TAFA1: variants seen among roughly 807,000 people sequenced by gnomAD.
The protein encoded by TAFA1 is chemokine-like protein TAFA-1.
TAFA1 carries 4 observed loss-of-function variants against 18.5 expected under a neutral mutation model. That is an observed-to-expected ratio of 0.22 (90% CI 0.11 to 0.49). The LOEUF (loss-of-function observed/expected upper bound fraction) is 0.49. TAFA1 is among the 20% of genes least tolerant of loss of function. The pLI, the probability that TAFA1 is intolerant of heterozygous loss-of-function variation, is 0.98. For missense variants in TAFA1, 147 were observed against 169.0 expected (o/e 0.87, Z 0.72); for synonymous variants, 56 against 55.2 (o/e 1.01, Z -0.06).
chr3:68,384,921 C>G (rs547307575), intron 2 of TAFA1, among the ~76,000 whole-genome samples: 22 of 152,126 alleles, frequency 1.4e-4, no homozygotes, highest in Middle Eastern at 6.8e-3. Flanking sequence ...ATGTAATGCC[C>G]TTCTTTGTCT....
chr3:68,285,821 A>AC (rs1265665720), intron 2 of TAFA1, among the ~76,000 whole-genome samples: 1 of 152,228 alleles, frequency 6.6e-6, no homozygotes, highest in Non-Finnish European at 1.5e-5. Flanking sequence ...AAATATTTCA[A>AC]CCAACAACGT....
At chr3:68,354,127 C>A (rs1434779250) in intron 2 of TAFA1, among the ~76,000 whole-genome samples, 1 of 149,572 alleles carries the variant, frequency 6.7e-6, no homozygotes, top group Non-Finnish European at 1.5e-5. Flanking sequence ...CTAGACTCTA[C>A]ATTTTATTTG....
At chr3:68,536,435 T>C (rs529082160) in intron 3 of TAFA1, among the ~76,000 whole-genome samples, 1 of 152,314 alleles carries the variant, frequency 6.6e-6, no homozygotes, top group African/African-American at 2.4e-5. Context: ...AGAGCATCTT[T>C]GGAACATGGG....
At chr3:68,103,514 G>T (rs1193880474) in intron 2 of TAFA1, among the ~76,000 whole-genome samples, 1 of 152,084 alleles carries the variant, frequency 6.6e-6, no homozygotes. Flanking sequence ...TAACATATTT[G>T]CATGCATTTG....
rs116207240 is a variant in TAFA1, at chr3:68,148,025, T to C, written c.118+141281T>C. ...AGAAATTTGAGAAAAAGCAGGACTC[T>C]GCTTCTGCCAATGTTCTTGTCTTTG... On this transcript the variant is annotated intron_variant, in intron 2 of 4. Coordinates refer to ENST00000478136, the MANE Select transcript of TAFA1 (RefSeq NM_213609.4). Among the ~76,000 whole-genome samples, 1,365 of 152,372 alleles carry C rather than the reference T, an allele frequency of 9.0e-3. 24 individuals are homozygous for C. The highest frequency in any genetic ancestry group is 0.031 in the African/African-American group (1,287 of 41,592).
the TAFA1 span, among the ~76,000 whole-genome samples, chr3:67,996,327 C>T: frequency 6.6e-6 from 1 of 152,044 alleles, no homozygotes; most frequent in Non-Finnish European, 1.5e-5. Context: ...TTTAAAAAAT[C>T]AGACATTATA....
At chr3:68,188,024 TA>T (rs928801736) in intron 2 of TAFA1, among the ~76,000 whole-genome samples, 3 of 152,058 alleles carry the variant, frequency 2.0e-5, no homozygotes, top group African/African-American at 7.2e-5. Flanking sequence ...CTTTGTCTTA[TA>T]GATTTGTAGA....
At chr3:68,332,296 T>C (rs1204636588) in intron 2 of TAFA1, among the ~76,000 whole-genome samples, 2 of 152,004 alleles carry the variant, frequency 1.3e-5, no homozygotes, top group African/African-American at 2.4e-5. Flanking sequence ...ATGTAACATC[T>C]GAAACCATAA....
At chr3:68,351,129 C>CTAGA (rs2069257350) in intron 2 of TAFA1, among the ~76,000 whole-genome samples, 1 of 152,090 alleles carries the variant, frequency 6.6e-6, no homozygotes, top group African/African-American at 2.4e-5. Context: ...ATTTCTGGTG[C>CTAGA]TAGAACCCAG....
At chr3:68,245,341 G>A (rs1467246058) in intron 2 of TAFA1, among the ~76,000 whole-genome samples, 1 of 152,200 alleles carries the variant, frequency 6.6e-6, no homozygotes, top group East Asian at 1.9e-4. Flanking sequence ...CAGAGGCCAT[G>A]TAGCTAAGGA....
In TAFA1 at chr3:68,370,492, A is replaced by ACG. The variant is rs1263741484; in HGVS notation, c.119-46788_119-46787insCG. ...TGTGTGTATATATATATATATATAT[A>ACG]TATATATATATATATATATATATAC... On this transcript the variant is annotated intron_variant, in intron 2 of 4. Coordinates refer to ENST00000478136, the MANE Select transcript of TAFA1 (RefSeq NM_213609.4). Among the ~76,000 whole-genome samples the ACG allele has an allele frequency of 1.1e-3, 95 of 85,260 alleles. 1 individual carries two copies. The highest frequency in any genetic ancestry group is 3.1e-3 in the South Asian group (8 of 2,590). The allele number at this position is 85,260 out of a possible 152,430, so 55.9% of individuals were successfully genotyped here.
At chr3:68,415,071 G>A (rs987018789) in intron 2 of TAFA1, among the ~76,000 whole-genome samples, 6 of 152,158 alleles carry the variant, frequency 3.9e-5, no homozygotes, top group Admixed American at 1.3e-4. Context: ...CCATTAACTT[G>A]AATCCCAGTG....
At position 68,154,111 on chromosome 3, in the gene TAFA1, A is replaced by G. The variant is rs536401240; in HGVS notation, c.118+147367A>G. Among the ~76,000 whole-genome samples the G allele has an allele frequency of 1.8e-4, 28 of 152,210 alleles. 1 individual carries two copies. The South Asian group carries it at 4.8e-3, about 26-fold the overall frequency. ...TGTCTGATTGCTTATTTGGCAGGTG[A>G]CTTTTCATTTGGTGTTCAGGGATCC... On this transcript the variant is annotated intron_variant, in intron 2 of 4. Coordinates refer to ENST00000478136, the MANE Select transcript of TAFA1 (RefSeq NM_213609.4).
intron 2 of TAFA1, among the ~76,000 whole-genome samples, chr3:68,172,890 A>G (rs1464610323): frequency 6.6e-6 from 1 of 152,164 alleles, no homozygotes; most frequent in Non-Finnish European, 1.5e-5. Flanking sequence ...AGTGACTGCT[A>G]TGCAAATTGA....
chr3:68,358,934 A>T (rs1458548388), intron 2 of TAFA1, among the ~76,000 whole-genome samples: 1 of 151,954 alleles, frequency 6.6e-6, no homozygotes. Context: ...TAATCATCCA[A>T]CTTGATTTAG....
At chr3:68,286,282 C>A (rs558561978) in intron 2 of TAFA1, among the ~76,000 whole-genome samples, 1 of 151,174 alleles carries the variant, frequency 6.6e-6, no homozygotes, top group East Asian at 1.9e-4. Flanking sequence ...AAAAATAGAC[C>A]AGTATTAGGT....
At chr3:68,022,245 G>T (rs1704705913) in intron 2 of TAFA1, among the ~76,000 whole-genome samples, 2 of 152,068 alleles carry the variant, frequency 1.3e-5, no homozygotes, top group Non-Finnish European at 1.5e-5. Context: ...CTTTCTACAG[G>T]ATACGGTATT....
intron 2 of TAFA1, among the ~76,000 whole-genome samples, chr3:68,364,747 A>C (rs1273631803): frequency 6.6e-6 from 1 of 152,216 alleles, no homozygotes; most frequent in Non-Finnish European, 1.5e-5. Context: ...ATACTCCTTC[A>C]TATGTGCCAG....
intron 3 of TAFA1, among the ~76,000 whole-genome samples, chr3:68,473,702 T>C (rs911982621): frequency 3.0e-4 from 45 of 152,190 alleles, no homozygotes; most frequent in African/African-American, 1.1e-3. Context: ...AATAATGTCA[T>C]GCAAAGGAAA....
Sources: allele counts gnomAD v4.1 joint callset (sites outside exome capture counted in the v4.1 genomes callset), GRCh38; gene constraint gnomAD v4.1.1; transcripts MANE v1.5; gene names NCBI Gene and HGNC (gene_info 2026-07-23, HGNC 2026-07-21).